FER1L6: variants seen among roughly 807,000 people sequenced by gnomAD.
The protein encoded by FER1L6 is fer-1-like protein 6.
Under a neutral mutation model 219.2 loss-of-function variants are expected in FER1L6, and 177 were observed. The observed-to-expected ratio is 0.81, with a 90% CI of 0.71 to 0.91. The LOEUF (loss-of-function observed/expected upper bound fraction) is 0.91, where lower values mean the gene tolerates loss of function less well. Ranked by LOEUF, FER1L6 falls within the 40% of genes least tolerant of loss-of-function variation. The pLI is 0.00. For synonymous variants in FER1L6, 768 were observed against 824.3 expected (o/e 0.93, Z 1.17); for missense variants, 2,153 against 2,259.9 (o/e 0.95, Z 0.96).
rs1017728573 is a variant in FER1L6, at chr8:124,111,077, T to C, written c.5290-7767T>C. On this transcript the variant is annotated intron_variant, in intron 39 of 40. Transcript: ENST00000522917. This position sits in a 1 kb window ranked among gnomAD's most constrained non-coding sequence, Gnocchi z 5.0. ...GTTCTCAGATCCTTGAAAAAAACAT[T>C]CCTGGGTGTTAAAGACAAAAGGCCT... is the stretch of plus-strand genomic sequence containing the variant. Among the ~76,000 whole-genome samples, 1 of 152,138 alleles carries C rather than the reference T, an allele frequency of 6.6e-6. No individual in the cohort carries two copies. The highest frequency in any genetic ancestry group is 6.5e-5 in the Admixed American group (1 of 15,268).
intron 13 of FER1L6, 93 bp from the exon 14 acceptor site, chr8:124,010,501 C>G: frequency 6.8e-7 from 1 of 1,475,234 alleles, no homozygotes; most frequent in Non-Finnish European, 9.2e-7. Context: ...CCTCCCGAGT[C>G]CTGCCCAGAA....
chr8:123,853,469 T>C lies in FER1L6; in HGVS notation c.-8+1284T>C, dbSNP rs975392470. Among the ~76,000 whole-genome samples the C allele has an allele frequency of 8.5e-5, 13 of 152,188 alleles. No homozygotes were observed. Among genetic ancestry groups the C allele is most frequent in the African/African-American group, 2.9e-4 (12 of 41,464 alleles). ...CGTACCCGGCCTAAAATAGAAGAAA[T>C]CATTTTTATTCAACAGTTCTTAGAA... On this transcript the variant is annotated intron_variant, in intron 1 of 40. Transcript: ENST00000522917. The surrounding 1 kb of genome is among the most constrained non-coding windows in gnomAD (Gnocchi z 6.6).
At chr8:123,938,601 C>A (rs1202775641) in intron 1 of FER1L6, among the ~76,000 whole-genome samples, 1 of 141,412 alleles carries the variant, frequency 7.1e-6, no homozygotes, top group African/African-American at 2.7e-5. Context: ...GGCTCAAGTG[C>A]AGTGGTGCGA....
intron 35 of FER1L6, among the ~76,000 whole-genome samples, chr8:124,095,658 A>T (rs1189165588): frequency 6.6e-6 from 1 of 152,202 alleles, no homozygotes; most frequent in Non-Finnish European, 1.5e-5. Flanking sequence ...ACTATTTAGG[A>T]TGACCATAGA....
At chr8:124,104,577 G>C (rs1221352100) in intron 39 of FER1L6, among the ~76,000 whole-genome samples, 1 of 152,202 alleles carries the variant, frequency 6.6e-6, no homozygotes, top group Non-Finnish European at 1.5e-5. Context: ...GAGGCATAAA[G>C]TGGCTCCTGG....
intron 1 of FER1L6, among the ~76,000 whole-genome samples, chr8:123,905,817 C>T (rs1812942831): frequency 1.3e-5 from 2 of 152,088 alleles, no homozygotes; most frequent in Admixed American, 6.6e-5. Flanking sequence ...TAAATTATTG[C>T]TGTACAGCTT....
chr8:123,988,900 T>C (rs1816720794), intron 12 of FER1L6, among the ~76,000 whole-genome samples: 1 of 152,214 alleles, frequency 6.6e-6, no homozygotes, highest in South Asian at 2.1e-4. Flanking sequence ...TTTTTCTTCT[T>C]CCAGATCTTA....
chr8:124,095,079 T>G, intron 35 of FER1L6, 41 bp downstream of exon 35: 1 of 1,611,940 alleles, frequency 6.2e-7, no homozygotes, highest in Non-Finnish European at 8.5e-7. Flanking sequence ...GTTAATCTTG[T>G]GTACTGTAGA....
chr8:124,022,676 A>G (rs906986910), intron 17 of FER1L6, among the ~76,000 whole-genome samples: 2 of 152,232 alleles, frequency 1.3e-5, no homozygotes, highest in African/African-American at 4.8e-5. Context: ...ATTCAAAGAC[A>G]TTCATAGATT....
At chr8:123,877,945 T>C (rs1308329099) in intron 1 of FER1L6, among the ~76,000 whole-genome samples, 1 of 151,968 alleles carries the variant, frequency 6.6e-6, no homozygotes. Context: ...GGGGTGAGGG[T>C]TGGGGAGAGA....
At chr8:123,856,548 G>T (rs558291459) in intron 1 of FER1L6, among the ~76,000 whole-genome samples, 1 of 151,286 alleles carries the variant, frequency 6.6e-6, no homozygotes, top group Admixed American at 6.6e-5. Flanking sequence ...AAGTTAATGC[G>T]ATTGTTTACT....
In FER1L6 at chr8:123,965,931, T is replaced by C. The variant is rs1234239079; in HGVS notation, c.198-76T>C. On this transcript the variant is annotated intron_variant, in intron 3 of 40. Transcript: ENST00000522917. Reference sequence around the variant, plus strand: ...AATATTAAATGAAAGGACTTAGAAATACTTTGGAGAATATTATCATGACTT... The same window carrying C: ...AATATTAAATGAAAGGACTTAGAAACACTTTGGAGAATATTATCATGACTT... 4 of 1,261,224 alleles carry C rather than the reference T, an allele frequency of 3.2e-6. No homozygotes were observed. The East Asian group carries it at 7.4e-5, about 23-fold the overall frequency. The allele number at this position is 1,261,224 out of a possible 1,614,324, so 78.1% of individuals were successfully genotyped here.
At chr8:123,926,172 G>A (rs4871429) in intron 1 of FER1L6, among the ~76,000 whole-genome samples, 61,783 of 152,058 alleles carry the variant, frequency 0.41, 12,919 homozygotes, top group South Asian at 0.53. Flanking sequence ...CCTAGTGCAT[G>A]CTTTAGGAGT....
Position 124,045,830 on chromosome 8 carries a change from C to T in FER1L6, c.2653C>T (p.His885Tyr). ...GCTGCTGTTCAATGATTTGGTGCTGCATGGAGATGTGAAGGAGCTGGCAGA... is the reference window on the plus strand; with the variant it reads ...GCTGCTGTTCAATGATTTGGTGCTGTATGGAGATGTGAAGGAGCTGGCAGA... ...QMLLFNDLVL[H>Y]GDVKELAESP... The change falls in exon 21 of 41, where the codon CAT becomes TAT. Residue 885 changes from histidine (H) to tyrosine (Y), a missense_variant. Physicochemically the swap from His to Tyr is moderately conservative, Grantham distance 83 (BLOSUM62 2). Coordinates refer to ENST00000522917, the MANE Select transcript of FER1L6 (RefSeq NM_001039112.2). 1 of 1,614,124 alleles carries T rather than the reference C, an allele frequency of 6.2e-7. No homozygotes were observed. Among genetic ancestry groups the T allele is most frequent in the South Asian group, 1.1e-5 (1 of 91,074 alleles).
rs1410764280 is a variant in FER1L6 at position 124,082,365 on chromosome 8, C to G, written c.4298C>G (p.Thr1433Arg). 3 of 1,613,980 alleles carry G rather than the reference C, an allele frequency of 1.9e-6. 1 individual carries two copies. The Admixed American group carries it at 5.0e-5, about 27-fold the overall frequency. ...ILIYDHDMIG[T>R]DDLIGETKID... Reference sequence around the variant, plus strand: ...ATCTATGACCATGACATGATTGGCACAGATGACCTTATTGGTGAGACCAAG... The same window carrying G: ...ATCTATGACCATGACATGATTGGCAGAGATGACCTTATTGGTGAGACCAAG... Residue 1433 changes from threonine to arginine, a missense_variant, in exon 33 of 41, where the codon ACA (threonine) becomes AGA (arginine). Physicochemically the swap from Thr to Arg is moderately conservative, Grantham distance 71 (BLOSUM62 -1). Transcript: ENST00000522917.
intron 10 of FER1L6, among the ~76,000 whole-genome samples, chr8:123,979,263 C>T (rs1816220797): frequency 1.3e-5 from 2 of 152,170 alleles, no homozygotes; most frequent in African/African-American, 2.4e-5. Flanking sequence ...GCGTGAAGCA[C>T]TCAATTGATA....
intron 1 of FER1L6, among the ~76,000 whole-genome samples, chr8:123,876,388 A>G (rs1253073036): frequency 6.6e-6 from 1 of 151,814 alleles, no homozygotes; most frequent in African/African-American, 2.4e-5. Flanking sequence ...GCATGATCAC[A>G]GCTCACTGCA....
intron 1 of FER1L6, among the ~76,000 whole-genome samples, chr8:123,953,418 G>A (rs1036869038): frequency 1.3e-5 from 2 of 152,186 alleles, no homozygotes; most frequent in South Asian, 4.1e-4. Context: ...AAGGTGGTTC[G>A]AGATATCAGT....
rs1186597665 is a variant in FER1L6 at position 124,094,917 on chromosome 8, A to AAC, written c.4577_4578dup (p.Leu1527ThrfsTer25). ...GCAGATGAGACAGTGGAGTCTTATG[A>AAC]ACACCTGGCCCTCAAGGTTTTACAC... On this transcript the variant is annotated frameshift_variant, in exon 35 of 41. Transcript: ENST00000522917. LOFTEE classifies it high-confidence loss of function. 6.2e-7 allele frequency: 1 copy of AAC among 1,614,154 alleles called. No homozygotes were observed. The highest frequency in any genetic ancestry group is 1.1e-5 in the South Asian group (1 of 91,082).
Sources: allele counts gnomAD v4.1 joint callset (sites outside exome capture counted in the v4.1 genomes callset), GRCh38; gene constraint gnomAD v4.1.1; non-coding constraint Gnocchi (gnomAD v3.1); transcripts MANE v1.5; gene names NCBI Gene and HGNC (gene_info 2026-07-23, HGNC 2026-07-21).